HERC2: variants seen among roughly 807,000 people sequenced by gnomAD.
HERC2 encodes the protein HECT and RLD domain containing E3 ubiquitin protein ligase 2, also known as E3 ubiquitin-protein ligase HERC2.
A neutral mutation model predicts 537.7 loss-of-function variants in HERC2; 102 were observed. That is an observed-to-expected ratio of 0.19 (90% CI 0.16 to 0.22). The LOEUF is 0.22. Ranked by LOEUF, HERC2 falls within the 10% of genes least tolerant of loss-of-function variation. The pLI is 1.00. For missense variants in HERC2, 4,236 were observed against 6,198.2 expected (o/e 0.68, Z 10.63); for synonymous variants, 2,224 against 2,466.2 (o/e 0.90, Z 2.91).
intron 2 of HERC2, among the ~76,000 whole-genome samples, chr15:28,310,484 T>C (rs1485756332): frequency 1.3e-5 from 2 of 151,766 alleles, no homozygotes; most frequent in Admixed American, 6.6e-5. Flanking sequence ...TAAAATAATA[T>C]AAAAAATAAA....
intron 57 of HERC2, among the ~76,000 whole-genome samples, chr15:28,180,348 T>C (rs1895709060): frequency 6.6e-6 from 1 of 152,138 alleles, no homozygotes; most frequent in Non-Finnish European, 1.5e-5. Context: ...TTTCCAACAA[T>C]GACAAAATCA....
In HERC2 at chr15:28,160,754, C is replaced by T. The variant is rs866468188; in HGVS notation, c.10746+2340G>A. On this transcript the variant is annotated intron_variant, in intron 69 of 92. Coordinates refer to ENST00000261609, the MANE Select transcript of HERC2 (RefSeq NM_004667.6). ...CACCCACTGTCCTGCACCCGCTGTCCGACAAGCCCCAGTGAGATGAACCTG... is the reference window on the plus strand; with the variant it reads ...CACCCACTGTCCTGCACCCGCTGTCTGACAAGCCCCAGTGAGATGAACCTG... Among the ~76,000 whole-genome samples the T allele has an allele frequency of 5.3e-5, 8 of 152,304 alleles. 1 individual carries two copies. The highest frequency in any genetic ancestry group is 7.4e-5 in the Non-Finnish European group (5 of 68,026).
At chr15:28,117,300 G>A in intron 86 of HERC2, 146 bp from the exon 87 acceptor site, 1 of 848,892 alleles carries the variant, frequency 1.2e-6, no homozygotes, top group Non-Finnish European at 1.9e-6. Flanking sequence ...GTGGACGCCA[G>A]GCAGACCCTG....
chr15:28,166,944 G>A (rs931523421), intron 68 of HERC2, among the ~76,000 whole-genome samples: 2 of 152,212 alleles, frequency 1.3e-5, no homozygotes, highest in Non-Finnish European at 1.5e-5. Flanking sequence ...CAGGTAGGTA[G>A]GTAGGTAGAA....
intron 52 of HERC2, among the ~76,000 whole-genome samples, chr15:28,194,940 C>T (rs1238316388): frequency 2.6e-5 from 4 of 151,684 alleles, no homozygotes; most frequent in Non-Finnish European, 5.9e-5. Flanking sequence ...CCTGTAATCC[C>T]AGCTACTCGG....
At chr15:28,227,755 T>A (rs1901366345) in intron 35 of HERC2, among the ~76,000 whole-genome samples, 1 of 152,130 alleles carries the variant, frequency 6.6e-6, no homozygotes, top group Non-Finnish European at 1.5e-5. Flanking sequence ...CAAATGTCCA[T>A]CAACAGATAA....
chr15:28,121,233 A>C, intron 86 of HERC2, 113 bp downstream of exon 86: 2 of 873,804 alleles, frequency 2.3e-6, no homozygotes, highest in Non-Finnish European at 3.7e-6. Context: ...CCTGCTCTTT[A>C]AAGTTGGGGT....
intron 78 of HERC2, among the ~76,000 whole-genome samples, chr15:28,138,029 T>C (rs745837631): frequency 9.9e-5 from 15 of 151,924 alleles, no homozygotes; most frequent in Non-Finnish European, 1.9e-4. Context: ...AATATTCCCT[T>C]AAGCCAAAGC....
intron 5 of HERC2, among the ~76,000 whole-genome samples, chr15:28,276,197 A>G (rs1055957870): frequency 6.8e-6 from 1 of 146,118 alleles, no homozygotes; most frequent in Admixed American, 6.7e-5. Flanking sequence ...AAAAACAAAA[A>G]AAAAAAAAAA....
intron 12 of HERC2, among the ~76,000 whole-genome samples, chr15:28,267,779 A>C (rs2075609297): frequency 6.6e-6 from 1 of 152,232 alleles, no homozygotes; most frequent in African/African-American, 2.4e-5. Flanking sequence ...AAGGGACACA[A>C]GTGCAGTCAT....
intron 47 of HERC2, among the ~76,000 whole-genome samples, 162 bp from the exon 48 acceptor site, chr15:28,201,716 T>G (rs1287768645): frequency 6.6e-6 from 1 of 152,218 alleles, no homozygotes; most frequent in Non-Finnish European, 1.5e-5. Flanking sequence ...AGCAGTAGCA[T>G]AGTAGGCAGA....
At position 28,213,815 on chromosome 15, in the gene HERC2, G is replaced by A. The variant is rs1233399021; in HGVS notation, c.6713C>T (p.Pro2238Leu). 5 of 1,613,992 alleles carry A rather than the reference G, an allele frequency of 3.1e-6. No individual in the cohort carries two copies. The highest frequency in any genetic ancestry group is 1.7e-4 in the Middle Eastern group (1 of 6,056). The change falls in exon 42 of 93, where the codon CCA (proline) becomes CTA (leucine). Residue 2238 changes from proline to leucine, a missense_variant. Pro to Leu is a moderately conservative substitution (Grantham distance 98). Coordinates refer to ENST00000261609, the MANE Select transcript of HERC2 (RefSeq NM_004667.6). The stretch of plus-strand genomic sequence containing the variant: ...GAACTGCACGGTGATTTTGCCCTTT[G>A]GGGTGATGCGAGTCACAGTGCCTTC... ...FGEGTVTRIT[P>L]KGKITVQFSD...
intron 90 of HERC2, among the ~76,000 whole-genome samples, 200 bp downstream of exon 90, chr15:28,114,412 G>A (rs1887994777): frequency 6.6e-6 from 1 of 152,168 alleles, no homozygotes; most frequent in Non-Finnish European, 1.5e-5. Flanking sequence ...TTGGTATTCT[G>A]GTTAGAGCCA....
intron 21 of HERC2, among the ~76,000 whole-genome samples, chr15:28,248,064 T>G (rs568942815): frequency 7.2e-5 from 11 of 152,260 alleles, no homozygotes; most frequent in African/African-American, 2.4e-4. Context: ...GCCTCAGGGA[T>G]TATCCCAAGT....
chr15:28,199,479 TA>T (rs1253185164), intron 48 of HERC2, among the ~76,000 whole-genome samples: 1 of 152,194 alleles, frequency 6.6e-6, no homozygotes, highest in Non-Finnish European at 1.5e-5. Flanking sequence ...TGAAAACTGA[TA>T]AAGTCTCCCT....
intron 20 of HERC2, among the ~76,000 whole-genome samples, chr15:28,250,109 T>G (rs532704319): frequency 8.5e-6 from 1 of 118,044 alleles, no homozygotes. Context: ...ACACCAAGAG[T>G]GAGGACATGC....
At chr15:28,228,789 C>T (rs1229353568) in intron 34 of HERC2, among the ~76,000 whole-genome samples, 2 of 152,252 alleles carry the variant, frequency 1.3e-5, no homozygotes, top group East Asian at 1.9e-4. Context: ...CAGGACTTAG[C>T]ATGTTGCTCT....
At chr15:28,155,822 C>G (rs1273523200) in intron 69 of HERC2, among the ~76,000 whole-genome samples, 2 of 152,158 alleles carry the variant, frequency 1.3e-5, no homozygotes, top group African/African-American at 4.8e-5. Context: ...GTGTTTGAGA[C>G]ATGAAGTCCT....
chr15:28,318,385 C>T (rs1206607827), intron 2 of HERC2, among the ~76,000 whole-genome samples: 1 of 152,118 alleles, frequency 6.6e-6, no homozygotes, highest in South Asian at 2.1e-4. Context: ...CCAGCACTTC[C>T]GGAGGCCGAG....
Sources: gnomAD v4.1 joint callset for allele counts (sites outside exome capture counted in the v4.1 genomes callset) on GRCh38, gnomAD v4.1.1 for gene constraint, MANE v1.5 for transcripts, NCBI Gene and HGNC (gene_info 2026-07-23, HGNC 2026-07-21) for gene names.